Variants in STPG2 observed in about 807,000 individuals in gnomAD.
STPG2 encodes the protein sperm-tail PG-rich repeat-containing protein 2.
A neutral mutation model predicts 54.2 loss-of-function variants in STPG2; 56 were observed. That is an observed-to-expected ratio of 1.03 (90% CI 0.83 to 1.29). The LOEUF (loss-of-function observed/expected upper bound fraction) is 1.29. Among genes scored for constraint, STPG2 ranks in the 50% most tolerant of loss-of-function variants. The probability of loss-of-function intolerance (pLI) is 0.00; values close to 1 mark genes in which losing one functional copy is unlikely to be tolerated. For missense variants in STPG2, 596 were observed against 544.9 expected (o/e 1.09, Z -0.93); for synonymous variants, 200 against 181.8 (o/e 1.10, Z -0.81).
chr4:97,658,836 T>C (rs1015249989), intron 10 of STPG2, among the ~76,000 whole-genome samples: 1 of 152,162 alleles, frequency 6.6e-6, no homozygotes, highest in African/African-American at 2.4e-5. Context: ...TTGTAGCCAG[T>C]GAGAGTATTA....
At chr4:97,457,691 CA>C (rs1343013217) in intron 4 of STPG2, among the ~76,000 whole-genome samples, 2 of 151,968 alleles carry the variant, frequency 1.3e-5, no homozygotes, top group Admixed American at 6.6e-5. Context: ...CAGTTTGCAA[CA>C]AAAAATAAAG....
chr4:97,776,138 A>C lies in STPG2; in HGVS notation c.1205-63324T>G, dbSNP rs537710767. Reference sequence around the variant, plus strand: ...GAATGCTGTTTGTATTTCAGTAAAAATTTTTAAAAGGAATTAACTATATTC... The same window carrying C: ...GAATGCTGTTTGTATTTCAGTAAAACTTTTTAAAAGGAATTAACTATATTC... On this transcript the variant is annotated intron_variant, in intron 9 of 10. Transcript: ENST00000295268. 2.7e-4 allele frequency among the ~76,000 whole-genome samples: 41 copies of C among 152,334 alleles called. 1 individual carries two copies. Among genetic ancestry groups the C allele is most frequent in the African/African-American group, 9.6e-4 (40 of 41,596 alleles).
chr4:97,956,131 G>T (rs1733663148), intron 7 of STPG2, among the ~76,000 whole-genome samples: 1 of 152,188 alleles, frequency 6.6e-6, no homozygotes, highest in East Asian at 1.9e-4. Flanking sequence ...TAAAATGTTT[G>T]ACAATAATTA....
intron 9 of STPG2, among the ~76,000 whole-genome samples, chr4:97,822,523 T>C (rs1306415290): frequency 6.6e-6 from 1 of 152,216 alleles, no homozygotes; most frequent in Non-Finnish European, 1.5e-5. Flanking sequence ...CAGTTTTCTG[T>C]GTTAGGCTAT....
At chr4:97,940,415 C>T (rs1229353829) in intron 8 of STPG2, among the ~76,000 whole-genome samples, 1 of 152,130 alleles carries the variant, frequency 6.6e-6, no homozygotes, top group African/African-American at 2.4e-5. Flanking sequence ...TGCTTTTTTC[C>T]CTTCCCTTTC....
intron 9 of STPG2, among the ~76,000 whole-genome samples, chr4:97,718,609 T>C (rs1259415580): frequency 2.6e-5 from 4 of 151,994 alleles, no homozygotes; most frequent in African/African-American, 7.2e-5. Flanking sequence ...TGCTTTGATG[T>C]CATCAAAATT....
intron 8 of STPG2, among the ~76,000 whole-genome samples, chr4:97,905,310 T>C (rs939993728): frequency 6.6e-6 from 1 of 152,090 alleles, no homozygotes. Flanking sequence ...TTCAACATTC[T>C]TAAAGAAAAG....
chr4:98,072,013 A>C (rs1249325212), intron 5 of STPG2, among the ~76,000 whole-genome samples: 1 of 152,212 alleles, frequency 6.6e-6, no homozygotes, highest in Admixed American at 6.5e-5. Flanking sequence ...TTCCTCAAAG[A>C]TCTAGAGGCA....
chr4:97,819,540 T>A (rs1728018195), intron 9 of STPG2, among the ~76,000 whole-genome samples: 1 of 152,160 alleles, frequency 6.6e-6, no homozygotes, highest in South Asian at 2.1e-4. Context: ...AAAGTAAGTC[T>A]CAGTACCTGA....
intron 9 of STPG2, among the ~76,000 whole-genome samples, chr4:97,812,834 T>C (rs1261999397): frequency 2.0e-5 from 3 of 152,194 alleles, no homozygotes; most frequent in Non-Finnish European, 2.9e-5. Context: ...GCTTTGTATT[T>C]ATATGTTCAA....
In STPG2 at chr4:97,803,889, G is replaced by A. The variant is rs182726951; in HGVS notation, c.1204+36884C>T. On this transcript the variant is annotated intron_variant, in intron 9 of 10. Transcript: ENST00000295268. ...CTGACTTCTTAATCAATTCATCTCC[G>A]ATGTCACGTTATTTCAATTCTGTGG... Among the ~76,000 whole-genome samples, 81 of 152,152 alleles carry A rather than the reference G, an allele frequency of 5.3e-4. 1 individual carries two copies. The highest frequency in any genetic ancestry group is 1.5e-4 in the Non-Finnish European group (10 of 68,002).
chr4:97,689,538 A>T (rs1222443207), intron 10 of STPG2, among the ~76,000 whole-genome samples: 1 of 152,130 alleles, frequency 6.6e-6, no homozygotes, highest in Non-Finnish European at 1.5e-5. Context: ...AAGTCGATTG[A>T]CATTTTATAT....
intron 4 of STPG2, among the ~76,000 whole-genome samples, chr4:97,480,111 C>G (rs1338742795): frequency 2.0e-5 from 3 of 151,510 alleles, no homozygotes; most frequent in African/African-American, 7.3e-5. Flanking sequence ...TAATATAAAG[C>G]AAGAGAACCT....
chr4:97,802,891 T>C (rs1305431029), intron 9 of STPG2, among the ~76,000 whole-genome samples: 2 of 152,122 alleles, frequency 1.3e-5, no homozygotes, highest in African/African-American at 4.8e-5. Flanking sequence ...TAAAAAAAGA[T>C]CAACTCAAGT....
chr4:97,493,486 A>C (rs1301176135), intron 4 of STPG2, among the ~76,000 whole-genome samples: 1 of 151,446 alleles, frequency 6.6e-6, no homozygotes, highest in Non-Finnish European at 1.5e-5. Flanking sequence ...TGGAGTTTTA[A>C]GGGAAGTGAG....
intron 6 of STPG2, 68 bp from the exon 7 acceptor site, chr4:97,972,508 A>G: frequency 1.1e-6 from 1 of 925,912 alleles, no homozygotes; most frequent in Non-Finnish European, 1.5e-6. Context: ...GAACTGAGTA[A>G]TTTTTAATTA....
At chr4:97,680,957 A>T (rs987301359) in intron 10 of STPG2, among the ~76,000 whole-genome samples, 7 of 152,026 alleles carry the variant, frequency 4.6e-5, no homozygotes, top group Non-Finnish European at 1.0e-4. Context: ...AATTTACCAT[A>T]TAAAGTTCTA....
rs575312895 is a variant in STPG2, at chr4:97,759,780, C to T, written c.1205-46966G>A. Among the ~76,000 whole-genome samples, 7 of 152,190 alleles carry T rather than the reference C, an allele frequency of 4.6e-5. No individual in the cohort carries two copies. In the East Asian group the frequency reaches 5.8e-4, roughly 13 times the overall value. On this transcript the variant is annotated intron_variant, in intron 9 of 10. Transcript: ENST00000295268. Reference sequence around the variant, plus strand: ...TAAAAGTGCATCCTAAGGAAGGAGGCGGCATTCCTTTTTCTACCTATAATA... The same window carrying T: ...TAAAAGTGCATCCTAAGGAAGGAGGTGGCATTCCTTTTTCTACCTATAATA...
At chr4:97,683,857 TAGAAAATTTCA>T (rs1324658453) in intron 10 of STPG2, among the ~76,000 whole-genome samples, 1 of 151,856 alleles carries the variant, frequency 6.6e-6, no homozygotes, top group Non-Finnish European at 1.5e-5. Flanking sequence ...GTTGTCTATG[TAGAAAATTTCA>T]AAGAAACAAA....
Sources: allele counts gnomAD v4.1 joint callset (sites outside exome capture counted in the v4.1 genomes callset), GRCh38; gene constraint gnomAD v4.1.1; transcripts MANE v1.5; gene names NCBI Gene and HGNC (gene_info 2026-07-23, HGNC 2026-07-21).